EXOSC8: variants seen among roughly 807,000 people sequenced by gnomAD.
EXOSC8 encodes exosome complex component RRP43.
In EXOSC8, 37 loss-of-function variants were observed where a neutral mutation model predicts 39.9. The ratio of observed to expected loss-of-function variants is 0.93; its 90% CI spans 0.71 to 1.22. The LOEUF is 1.22. Ranked by LOEUF, EXOSC8 falls within the 50% of genes most tolerant of loss-of-function variation. The pLI, the probability that EXOSC8 is intolerant of heterozygous loss-of-function variation, is 0.00. For synonymous variants in EXOSC8, 93 were observed against 109.5 expected (o/e 0.85, Z 0.94); for missense variants, 313 against 326.6 (o/e 0.96, Z 0.32).
chr13:37,005,089 A>G (rs954099763), intron 5 of EXOSC8, among the ~76,000 whole-genome samples: 6 of 151,812 alleles, frequency 4.0e-5, no homozygotes, highest in Non-Finnish European at 8.8e-5. Context: ...TTCAAGCCTG[A>G]GTGACAGAGT....
chr13:37,005,659 C>T (rs889927050), intron 5 of EXOSC8, among the ~76,000 whole-genome samples: 1 of 151,574 alleles, frequency 6.6e-6, no homozygotes, highest in Admixed American at 6.6e-5. Context: ...CGAGGTCAGG[C>T]GATCGAGACC....
intron 1 of EXOSC8, 67 bp downstream of exon 1, chr13:37,000,889 G>T (rs2059095499): frequency 7.0e-7 from 1 of 1,436,932 alleles, no homozygotes; most frequent in Middle Eastern, 1.8e-4. Flanking sequence ...TTAACTCTTA[G>T]CTGGGATTCT....
chr13:37,004,451 G>A (rs2059125620), intron 4 of EXOSC8, 65 bp from the exon 5 acceptor site: 1 of 1,141,798 alleles, frequency 8.8e-7, no homozygotes, highest in Non-Finnish European at 1.3e-6. Flanking sequence ...ATAACTGATT[G>A]CTAAATTGTC....
intron 1 of EXOSC8, chr13:37,001,846 A>G (rs1237784584): frequency 6.4e-6 from 1 of 155,762 alleles, no homozygotes; most frequent in Admixed American, 6.4e-5. Context: ...GTCATAATTG[A>G]AGAATATGCT....
Position 37,009,614 on chromosome 13 carries a change from A to C in EXOSC8, c.*315A>C. The C allele has an allele frequency of 6.2e-7, 1 of 1,603,098 alleles. No homozygotes were observed. The highest frequency in any genetic ancestry group is 8.5e-7 in the Non-Finnish European group (1 of 1,170,934). ...AAAAAAAACAAAAAGTAGAAACTCAATTCTTTTGATTCAGTGCTCTTGTGT... is the reference window on the plus strand; with the variant it reads ...AAAAAAAACAAAAAGTAGAAACTCACTTCTTTTGATTCAGTGCTCTTGTGT... On this transcript the variant is annotated 3_prime_UTR_variant, in exon 11 of 11. Transcript: ENST00000389704.
At chr13:37,005,843 A>G (rs570618037) in intron 5 of EXOSC8, 77 bp from the exon 6 acceptor site, 2 of 755,062 alleles carry the variant, frequency 2.6e-6, no homozygotes, top group East Asian at 5.4e-5. Context: ...CAGCCTGGCA[A>G]CAGAGCAAGA....
Position 37,008,074 on chromosome 13 carries a change from A to C in EXOSC8, c.505A>C (p.Thr169Pro). ...ALKNVQLPEV[T>P]INEETALAEV... ...TTTCTTAGTACAGTTGCCTGAAGTT[A>C]CTATAAATGAAGAAACTGCTTTAGC... is the stretch of plus-strand genomic sequence containing the variant. Residue 169 changes from threonine (T) to proline (P), a missense_variant, in exon 9 of 11, where the codon ACT becomes CCT. Physicochemically the swap from Thr to Pro is conservative, Grantham distance 38. Coordinates refer to ENST00000389704, the MANE Select transcript of EXOSC8 (RefSeq NM_181503.3). 1 of 1,594,906 alleles carries C rather than the reference A, an allele frequency of 6.3e-7. No individual in the cohort carries two copies. The highest frequency in any genetic ancestry group is 8.6e-7 in the Non-Finnish European group (1 of 1,168,968).
chr13:37,009,245 C>G lies in EXOSC8; in HGVS notation c.777C>G (p.His259Gln). The G allele has an allele frequency of 6.2e-7, 1 of 1,613,412 alleles. No homozygotes were observed. Among genetic ancestry groups the G allele is most frequent in the Non-Finnish European group, 8.5e-7 (1 of 1,179,620 alleles). Reference protein sequence around the residue: ...QDCMSRAVTRHKEVKKLMDEV... With the variant: ...QDCMSRAVTRQKEVKKLMDEV... ...GTATGAGCCGAGCAGTTACAAGACA[C>G]AAAGAAGTTAAAAAACTGATGGATG... The change falls in exon 11 of 11, where the codon CAC (histidine) becomes CAG (glutamine). Residue 259 changes from histidine to glutamine, a missense_variant. By Grantham distance (24) the His-to-Gln change is conservative. Transcript: ENST00000389704.
intron 1 of EXOSC8, among the ~76,000 whole-genome samples, chr13:37,001,131 C>T (rs1277199014): frequency 6.6e-6 from 1 of 152,146 alleles, no homozygotes; most frequent in Admixed American, 6.5e-5. Context: ...AGATTGTGGC[C>T]GGGCGCGGCG....
intron 1 of EXOSC8, among the ~76,000 whole-genome samples, chr13:37,002,072 C>T (rs1242395720): frequency 2.0e-5 from 3 of 152,140 alleles, no homozygotes; most frequent in Non-Finnish European, 4.4e-5. Flanking sequence ...AGACGCCAAT[C>T]TTCTAATCGT....
intron 7 of EXOSC8, 31 bp from the exon 8 acceptor site, chr13:37,006,944 T>C (rs760878742): frequency 7.2e-7 from 1 of 1,380,878 alleles, no homozygotes; most frequent in Admixed American, 1.7e-5. Flanking sequence ...TAGAAGACTT[T>C]AATTTCCTTT....
At chr13:37,000,910 G>A (rs2138841760) in intron 1 of EXOSC8, 88 bp downstream of exon 1, 1 of 1,404,646 alleles carries the variant, frequency 7.1e-7, no homozygotes, top group Non-Finnish European at 9.4e-7. Flanking sequence ...CTCACCTGGA[G>A]GCCGACCCCG....
chr13:37,006,860 T>G, intron 7 of EXOSC8, 115 bp from the exon 8 acceptor site: 1 of 649,614 alleles, frequency 1.5e-6, no homozygotes. Context: ...TTTTTGAGCC[T>G]TGAAAGTTAT....
In EXOSC8 at chr13:37,009,588, TAAAA is replaced by T. The variant is rs750307293; in HGVS notation, c.*294_*297del. Reference sequence around the variant, plus strand: ...CTAGCAATGTAAAATACTGACACATTAAAAAAAACAAAAAGTAGAAACTCAATTC... The same window carrying T: ...CTAGCAATGTAAAATACTGACACATTAAAACAAAAAGTAGAAACTCAATTC... On this transcript the variant is annotated 3_prime_UTR_variant, in exon 11 of 11. Coordinates refer to ENST00000389704, the MANE Select transcript of EXOSC8 (RefSeq NM_181503.3). 13 of 1,519,232 alleles carry T rather than the reference TAAAA, an allele frequency of 8.6e-6. No homozygotes were observed. The African/African-American group carries it at 9.6e-5, about 11-fold the overall frequency. The allele number at this position is 1,519,232 out of a possible 1,614,324, so 94.1% of individuals were successfully genotyped here. A position where few individuals can be genotyped will look rare whatever the true frequency, so the allele number is the denominator to read the frequency against.
At chr13:37,005,129 A>T (rs1170145903) in intron 5 of EXOSC8, among the ~76,000 whole-genome samples, 1 of 152,170 alleles carries the variant, frequency 6.6e-6, no homozygotes. Context: ...AAAAAAAAAT[A>T]GAATGGAATT....
At position 37,005,983 on chromosome 13, in the gene EXOSC8, A is replaced by T; in HGVS notation, c.302A>T (p.Glu101Val). The change falls in exon 6 of 11, where the codon GAG (glutamate) becomes GTG (valine). Residue 101 changes from glutamate (E) to valine (V), a missense_variant. By Grantham distance (121) the Glu-to-Val change is moderately radical. Transcript: ENST00000389704. Reference protein sequence around the residue: ...SRFRSGPPGEEAQVASQFIAD... With the variant: ...SRFRSGPPGEVAQVASQFIAD... ...TTCCGGTCTGGACCTCCTGGAGAAG[A>T]GGCCCAAGTGGCTAGCCAGTTCATT... 1 of 1,611,694 alleles carries T rather than the reference A, an allele frequency of 6.2e-7. No individual in the cohort carries two copies. The highest frequency in any genetic ancestry group is 8.5e-7 in the Non-Finnish European group (1 of 1,178,358).
intron 10 of EXOSC8, 54 bp from the exon 11 acceptor site, chr13:37,009,130 T>C: frequency 8.4e-7 from 1 of 1,196,170 alleles, no homozygotes; most frequent in Non-Finnish European, 1.2e-6. Context: ...CATTAATGTT[T>C]TTTGAAAAGG....
intron 2 of EXOSC8, 22 bp downstream of exon 2, chr13:37,002,331 G>A: frequency 6.3e-7 from 1 of 1,589,274 alleles, no homozygotes; most frequent in Non-Finnish European, 8.6e-7. Flanking sequence ...TTATGTACAT[G>A]TTATGCGTTT....
chr13:37,006,073 T>C, intron 6 of EXOSC8, 42 bp from the exon 7 acceptor site: 1 of 1,589,074 alleles, frequency 6.3e-7, no homozygotes, highest in East Asian at 2.2e-5. Flanking sequence ...TTCAGATAGT[T>C]TTGGGCTTTT....
Sources: gnomAD v4.1 joint callset for allele counts (sites outside exome capture counted in the v4.1 genomes callset) on GRCh38, gnomAD v4.1.1 for gene constraint, MANE v1.5 for transcripts, NCBI Gene and HGNC (gene_info 2026-07-23, HGNC 2026-07-21) for gene names.